MAP4K4: variants seen among roughly 807,000 people sequenced by gnomAD.
MAP4K4 encodes the protein mitogen-activated protein kinase kinase kinase kinase 4.
MAP4K4 carries 38 observed loss-of-function variants against 189.6 expected under a neutral mutation model. The observed-to-expected ratio is 0.20, with a 90% CI of 0.15 to 0.26. The LOEUF (loss-of-function observed/expected upper bound fraction) is 0.26. Ranked by LOEUF, MAP4K4 falls within the 10% of genes least tolerant of loss-of-function variation. The probability of loss-of-function intolerance (pLI) is 1.00; values close to 1 mark genes in which losing one functional copy is unlikely to be tolerated. For synonymous variants in MAP4K4, 610 were observed against 624.3 expected (o/e 0.98, Z 0.34); for missense variants, 1,054 against 1,726.9 (o/e 0.61, Z 6.91).
chr2:101,839,639 G>C (rs1313497828), intron 9 of MAP4K4, among the ~76,000 whole-genome samples, 180 bp from the exon 10 acceptor site: 1 of 152,184 alleles, frequency 6.6e-6, no homozygotes, highest in African/African-American at 2.4e-5. Context: ...CTAAATTAAT[G>C]CTCCTGATCC....
chr2:101,703,866 C>T (rs1176159158), intron 2 of MAP4K4, among the ~76,000 whole-genome samples: 1 of 151,778 alleles, frequency 6.6e-6, no homozygotes, highest in Non-Finnish European at 1.5e-5. Context: ...GAAAAATTAG[C>T]CGGGCGTGGT....
chr2:101,862,787 G>C (rs1293314415), intron 16 of MAP4K4, among the ~76,000 whole-genome samples: 2 of 151,996 alleles, frequency 1.3e-5, no homozygotes, highest in African/African-American at 4.8e-5. Flanking sequence ...TAGAAGTCTA[G>C]GATTATACCA....
rs574549084 is a variant in MAP4K4 at position 101,706,744 on chromosome 2, C to T, written c.123+8206C>T. ...ATTATTGTCCTGGAATGTCTGTTTC[C>T]TGGATACTGCAGTCTTCCTTTTTGG... On this transcript the variant is annotated intron_variant, in intron 2 of 32. Coordinates refer to ENST00000324219, the Ensembl canonical transcript of MAP4K4. 1.1e-4 allele frequency among the ~76,000 whole-genome samples: 17 copies of T among 152,298 alleles called. 1 individual carries two copies. The South Asian group carries it at 2.9e-3, about 26-fold the overall frequency.
chr2:101,865,948 C>G (rs945770591), intron 18 of MAP4K4, among the ~76,000 whole-genome samples: 5 of 152,204 alleles, frequency 3.3e-5, no homozygotes, highest in African/African-American at 9.6e-5. Context: ...GGCAGGAAAT[C>G]CATCCCAGCT....
chr2:101,752,687 G>GA (rs996432289), intron 2 of MAP4K4, among the ~76,000 whole-genome samples: 3 of 152,148 alleles, frequency 2.0e-5, no homozygotes, highest in African/African-American at 7.2e-5. Context: ...TTTAGCTGAA[G>GA]AAAAAACCGA....
chr2:101,870,377 A>G (rs2097949918), exon 23 of MAP4K4: 1 of 1,613,794 alleles, frequency 6.2e-7, no homozygotes, highest in Non-Finnish European at 8.5e-7. Flanking sequence ...TGAGCCGGCC[A>G]TGACCCCATC....
intron 3 of MAP4K4, among the ~76,000 whole-genome samples, chr2:101,816,559 G>T (rs2095732253): frequency 6.6e-6 from 1 of 152,186 alleles, no homozygotes; most frequent in African/African-American, 2.4e-5. Flanking sequence ...GGTATGAATA[G>T]ACTGAGGCAA....
At chr2:101,767,605 C>A (rs2079169230) in intron 2 of MAP4K4, among the ~76,000 whole-genome samples, 1 of 152,188 alleles carries the variant, frequency 6.6e-6, no homozygotes. Context: ...CAGTGCTAAT[C>A]ATTTGGTGTG....
chr2:101,844,334 G>A, intron 12 of MAP4K4, 23 bp downstream of exon 12: 2 of 1,548,840 alleles, frequency 1.3e-6, no homozygotes, highest in Non-Finnish European at 1.7e-6. Flanking sequence ...AAATGTCCAA[G>A]TTGGTTGGTC....
rs377014962 is a variant in MAP4K4, at chr2:101,722,624, GTCCT to G, written c.123+24092_123+24095del. Reference sequence around the variant, plus strand: ...GTTTTCAACTAGGATTATGTTGGAAGTCCTTCCTTTGAGAGTGTATTGTTTTCAC... The same window carrying G: ...GTTTTCAACTAGGATTATGTTGGAAGTCCTTTGAGAGTGTATTGTTTTCAC... On this transcript the variant is annotated intron_variant, in intron 2 of 32. Coordinates refer to ENST00000324219, the Ensembl canonical transcript of MAP4K4. Among the ~76,000 whole-genome samples, 532 of 152,320 alleles carry G rather than the reference GTCCT, an allele frequency of 3.5e-3. 2 individuals carry two copies. The highest frequency in any genetic ancestry group is 0.012 in the African/African-American group (517 of 41,574).
chr2:101,890,879 G>A (rs986244782), intron 32 of MAP4K4, among the ~76,000 whole-genome samples: 5 of 152,140 alleles, frequency 3.3e-5, no homozygotes, highest in African/African-American at 1.2e-4. Context: ...TCATGCCTCA[G>A]CCTCCTGAGT....
At chr2:101,701,659 T>C (rs1207782118) in intron 2 of MAP4K4, among the ~76,000 whole-genome samples, 1 of 152,150 alleles carries the variant, frequency 6.6e-6, no homozygotes, top group Admixed American at 6.5e-5. Context: ...ACGGGGTGTA[T>C]TCTGTTTAGA....
chr2:101,879,630 A>T (rs1471412273), intron 27 of MAP4K4, among the ~76,000 whole-genome samples: 1 of 152,244 alleles, frequency 6.6e-6, no homozygotes, highest in Non-Finnish European at 1.5e-5. Context: ...GAGCTGTCAC[A>T]TGCAGAATCC....
intron 13 of MAP4K4, among the ~76,000 whole-genome samples, chr2:101,856,879 GTGTTAACT>G (rs2097486392): frequency 6.6e-6 from 1 of 152,124 alleles, no homozygotes; most frequent in South Asian, 2.1e-4. Flanking sequence ...ATAAACCATG[GTGTTAACT>G]TTCAAATGTG....
In MAP4K4 at chr2:101,805,604, G is replaced by A. The variant is rs374779536; in HGVS notation, c.180+14828G>A. 1.3e-3 allele frequency among the ~76,000 whole-genome samples: 196 copies of A among 152,352 alleles called. 1 individual carries two copies. Among genetic ancestry groups the A allele is most frequent in the African/African-American group, 4.4e-3 (183 of 41,590 alleles). On this transcript the variant is annotated intron_variant, in intron 3 of 32. Transcript: ENST00000324219. The stretch of plus-strand genomic sequence containing the variant: ...GTTTAGGAAATTCTGTGATGGATAA[G>A]AGATGCTGAGGTGCAGGTTATAGGG...
intron 27 of MAP4K4, among the ~76,000 whole-genome samples, chr2:101,879,607 C>T (rs1293351704): frequency 6.6e-6 from 1 of 152,148 alleles, no homozygotes; most frequent in East Asian, 1.9e-4. Context: ...TACAGATAAG[C>T]ATACAGCTCA....
At chr2:101,870,119 G>T (rs2097939758) in intron 22 of MAP4K4, 176 bp from the exon 23 acceptor site, 13 of 672,668 alleles carry the variant, frequency 1.9e-5, no homozygotes, top group South Asian at 1.8e-4. Context: ...AGAAACAAAT[G>T]GCACTGGAAA....
intron 2 of MAP4K4, among the ~76,000 whole-genome samples, chr2:101,699,602 T>C (rs2036999109): frequency 6.6e-6 from 1 of 151,702 alleles, no homozygotes; most frequent in Non-Finnish European, 1.5e-5. Context: ...ATGGGTGGAG[T>C]TGGGGGGGTT....
intron 2 of MAP4K4, among the ~76,000 whole-genome samples, chr2:101,737,457 ATATATTTTTTTTT>A (rs1206245073): frequency 7.5e-4 from 26 of 34,696 alleles, no homozygotes; most frequent in African/African-American, 2.4e-3. Flanking sequence ...ATATATATAT[ATATATTTTTTTTT>A]TTTTTTTTTT....
Sources: allele counts gnomAD v4.1 joint callset (sites outside exome capture counted in the v4.1 genomes callset), GRCh38; gene constraint gnomAD v4.1.1; transcripts MANE v1.5; gene names NCBI Gene and HGNC (gene_info 2026-07-23, HGNC 2026-07-21).